Variants in CABP1 observed in about 807,000 individuals in gnomAD.
The protein encoded by CABP1 is calcium binding protein 1.
Under a neutral mutation model 34.3 loss-of-function variants are expected in CABP1, and 17 were observed. The observed-to-expected ratio is 0.50, with a 90% CI of 0.34 to 0.74. The LOEUF is 0.74. Among genes scored for constraint, CABP1 ranks in the 30% least tolerant of loss-of-function variants. The pLI is 0.01. For missense variants in CABP1, 373 were observed against 511.1 expected, an observed-to-expected ratio of 0.73 and a Z score of 2.61; for synonymous variants, 198 against 229.2, an observed-to-expected ratio of 0.86 and a Z score of 1.23.
chr12:120,672,727 A>C, the CABP1 span, among the ~76,000 whole-genome samples: 2 of 127,992 alleles, frequency 1.6e-5, no homozygotes, highest in South Asian at 2.7e-4. Context: ...AAAAAAAAAA[A>C]CCACAAAGAA....
chr12:120,664,155 C>G (rs1880821616), intron 5 of CABP1, among the ~76,000 whole-genome samples: 1 of 152,204 alleles, frequency 6.6e-6, no homozygotes. Flanking sequence ...CCCATTCATC[C>G]TACGAGGATG....
At chr12:120,647,482 A>C (rs914403527) in intron 1 of CABP1, among the ~76,000 whole-genome samples, 1 of 150,262 alleles carries the variant, frequency 6.7e-6, no homozygotes, top group East Asian at 2.0e-4. Flanking sequence ...TTGGCCTCCA[A>C]GGATTACAGG....
rs371921692 is a variant in CABP1 at position 120,660,597 on chromosome 12, G to A, written c.830-134G>A. On this transcript the variant is annotated intron_variant, in intron 3 of 5. Coordinates refer to ENST00000316803, the MANE Select transcript of CABP1 (RefSeq NM_001033677.2). This position sits in a 1 kb window ranked among gnomAD's most constrained non-coding sequence, Gnocchi z 5.0. ...TGGCTCACAGGAAGAACTGAACAGA[G>A]GGCTCTTGTTATTATTAAGTTTGTC... 180 of 747,874 alleles carry A rather than the reference G, an allele frequency of 2.4e-4. No homozygotes were observed. The highest frequency in any genetic ancestry group is 3.9e-4 in the Non-Finnish European group (164 of 424,872). 46.3% of individuals were successfully genotyped at this position (747,874 alleles called of 1,614,324 possible).
At chr12:120,658,588 C>G (rs964933944) in intron 1 of CABP1, among the ~76,000 whole-genome samples, 1 of 152,168 alleles carries the variant, frequency 6.6e-6, no homozygotes, top group African/African-American at 2.4e-5. Flanking sequence ...CCTGGTTGTC[C>G]CATGAGATGT....
intron 5 of CABP1, among the ~76,000 whole-genome samples, chr12:120,665,453 C>T (rs1035121199): frequency 1.3e-5 from 2 of 151,918 alleles, no homozygotes; most frequent in Middle Eastern, 3.4e-3. Context: ...TAAAAATAAA[C>T]GATTCTGTAT....
downstream of CABP1, among the ~76,000 whole-genome samples, chr12:120,670,797 G>A (rs1305117780): frequency 6.6e-6 from 1 of 152,094 alleles, no homozygotes; most frequent in Non-Finnish European, 1.5e-5. Context: ...TATTGCACCT[G>A]GATTTGCCTC....
intron 5 of CABP1, among the ~76,000 whole-genome samples, chr12:120,666,473 CAA>C (rs55848637): frequency 0.14 from 11,144 of 80,594 alleles, 365 homozygotes; most frequent in Non-Finnish European, 0.16. Flanking sequence ...GACTCCATCT[CAA>C]AAAAAAAAAA....
downstream of CABP1, among the ~76,000 whole-genome samples, chr12:120,667,770 G>C (rs948352105): frequency 1.3e-5 from 2 of 152,224 alleles, no homozygotes; most frequent in Non-Finnish European, 2.9e-5. Context: ...TTCCAGGCGT[G>C]AGTCTCCATG....
chr12:120,654,741 T>A (rs1880065980), intron 1 of CABP1, among the ~76,000 whole-genome samples: 1 of 151,590 alleles, frequency 6.6e-6, no homozygotes, highest in African/African-American at 2.4e-5. Context: ...GCACTGGGCA[T>A]CCCGGGAGGC....
At chr12:120,669,526 G>T (rs1017981758), downstream of CABP1, among the ~76,000 whole-genome samples, 3 of 152,204 alleles carry the variant, frequency 2.0e-5, no homozygotes, top group African/African-American at 7.2e-5. Flanking sequence ...TTTGTCCCCA[G>T]TGTGTGGCTG....
intron 1 of CABP1, among the ~76,000 whole-genome samples, chr12:120,651,510 A>G (rs61945940): frequency 0.014 from 2,183 of 152,124 alleles, 28 homozygotes; most frequent in Non-Finnish European, 0.025. Context: ...CATAGAAGAG[A>G]CTCAGGTATT....
chr12:120,678,458 C>T, the CABP1 span, among the ~76,000 whole-genome samples: 1 of 152,162 alleles, frequency 6.6e-6, no homozygotes. Context: ...AAGGTCTTTT[C>T]TATTTATCAG....
At chr12:120,645,603 G>C (rs1007252364) in intron 1 of CABP1, among the ~76,000 whole-genome samples, 2 of 152,152 alleles carry the variant, frequency 1.3e-5, no homozygotes, top group African/African-American at 4.8e-5. Context: ...GCCAAGGTGG[G>C]TGGATCACTT....
intron 1 of CABP1, among the ~76,000 whole-genome samples, chr12:120,642,666 C>T (rs1012751723): frequency 1.2e-4 from 19 of 152,114 alleles, no homozygotes; most frequent in African/African-American, 4.6e-4. Context: ...CACTGCAGTG[C>T]TTTGTGTTAA....
At chr12:120,655,521 C>G (rs1387902206) in intron 1 of CABP1, 4 of 1,158,492 alleles carry the variant, frequency 3.5e-6, no homozygotes, top group Non-Finnish European at 4.3e-6. Flanking sequence ...ATGGCACCTG[C>G]ATGTGCAACC....
Position 120,641,008 on chromosome 12 carries a change from C to A in CABP1, c.323C>A (p.Thr108Lys). The change falls in exon 1 of 6, where the codon ACG becomes AAG. Residue 108 changes from threonine (T) to lysine (K), a missense_variant. Thr to Lys is a moderately conservative substitution (Grantham distance 78). Around this residue, in one of 4 missense-constraint regions of CABP1, gnomAD observed 9 missense variants for 35.5 expected, o/e 0.25. Transcript: ENST00000316803. The surrounding 1 kb of genome is among the most constrained non-coding windows in gnomAD (Gnocchi z 6.7). The stretch of plus-strand genomic sequence containing the variant: ...CGGCTACCCGGCTCCTGCCCGGCGA[C>A]GCCGCAGTCGTCCGGGGACCCCAGT... ...SRRLPGSCPA[T>K]PQSSGDPSSR... 2 of 1,166,196 alleles carry A rather than the reference C, an allele frequency of 1.7e-6. No homozygotes were observed. The highest frequency in any genetic ancestry group is 2.1e-6 in the Non-Finnish European group (2 of 946,096). 72.2% of individuals were successfully genotyped at this position (1,166,196 alleles called of 1,614,324 possible).
chr12:120,667,311 A>G lies in CABP1; in HGVS notation c.*411A>G. On this transcript the variant is annotated 3_prime_UTR_variant, in exon 6 of 6. Coordinates refer to ENST00000316803, the MANE Select transcript of CABP1 (RefSeq NM_001033677.2). ...CTGTTATCTCAGAACCAATAAAAAT[A>G]TTTCCAAGAGCAAGACAGCCGTGAT... 1 of 251,490 alleles carries G rather than the reference A, an allele frequency of 4.0e-6. No homozygotes were observed. The highest frequency in any genetic ancestry group is 7.3e-5 in the South Asian group (1 of 13,632). 15.6% of individuals were successfully genotyped at this position (251,490 alleles called of 1,614,324 possible).
Position 120,640,716 on chromosome 12 carries a change from C to A in CABP1, c.31C>A (p.Arg11=). 2.5e-6 allele frequency: 3 copies of A among 1,182,390 alleles called. No individual in the cohort carries two copies. Among genetic ancestry groups the A allele is most frequent in the Non-Finnish European group, 3.1e-6 (3 of 956,352 alleles). The allele number at this position is 1,182,390 out of a possible 1,614,324, so 73.2% of individuals were successfully genotyped here. A position where few individuals can be genotyped will look rare whatever the true frequency, so the allele number is the denominator to read the frequency against. The change falls in exon 1 of 6, where the codon CGG becomes AGG. Residue 11 remains arginine, a synonymous_variant. Coordinates refer to ENST00000316803, the MANE Select transcript of CABP1 (RefSeq NM_001033677.2). This position sits in a 1 kb window ranked among gnomAD's most constrained non-coding sequence, Gnocchi z 6.2. ...CGGCGGCGACGGGGCCGCATTTAAGCGGCCGGGGGACGGCGCCCGCCTCCA... is the reference window on the plus strand; with the variant it reads ...CGGCGGCGACGGGGCCGCATTTAAGAGGCCGGGGGACGGCGCCCGCCTCCA... The part of the protein sequence containing the change: MGGGDGAAFK[R]PGDGARLQRV...
At chr12:120,676,874 C>T in the CABP1 span, among the ~76,000 whole-genome samples, 2 of 152,108 alleles carry the variant, frequency 1.3e-5, no homozygotes, top group Non-Finnish European at 2.9e-5. Context: ...ATAGTAAAGA[C>T]CCTCCTGGCA....
Sources: gnomAD v4.1 joint callset for allele counts (sites outside exome capture counted in the v4.1 genomes callset) on GRCh38, gnomAD v4.1.1 for gene constraint, gnomAD v4.1.1 regional missense constraint, Gnocchi (gnomAD v3.1) non-coding constraint, MANE v1.5 for transcripts, NCBI Gene and HGNC (gene_info 2026-07-23, HGNC 2026-07-21) for gene names.